Variants in IL1RAPL2 observed in about 807,000 individuals in gnomAD.
IL1RAPL2 encodes the protein interleukin 1 receptor accessory protein like 2.
IL1RAPL2 carries 3 observed loss-of-function variants against 44.1 expected under a neutral mutation model. The ratio of observed to expected loss-of-function variants is 0.07; its 90% confidence interval spans 0.03 to 0.18. The LOEUF is 0.18. Ranked by LOEUF, IL1RAPL2 falls within the 10% of genes least tolerant of loss-of-function variation. The pLI is 1.00. For missense variants in IL1RAPL2, 391 were observed against 496.4 expected (o/e 0.79, Z 2.02); for synonymous variants, 181 against 178.8 (o/e 1.01, Z -0.10).
intron 2 of IL1RAPL2, among the ~76,000 whole-genome samples, chrX:104,943,814 A>G (rs181571750): frequency 8.9e-6 from 1 of 111,947 alleles, no homozygotes; most frequent in Admixed American, 9.5e-5. Flanking sequence ...TTTCCCCATT[A>G]TAATGCAAGT....
At chrX:105,488,910 CT>C (rs1804423381) in intron 6 of IL1RAPL2, among the ~76,000 whole-genome samples, 3 of 111,967 alleles carry the variant, frequency 2.7e-5, no homozygotes, top group African/African-American at 9.7e-5. Flanking sequence ...AACATCTTGA[CT>C]TTTTCCTATA....
intron 2 of IL1RAPL2, among the ~76,000 whole-genome samples, chrX:105,108,590 G>A (rs1002379474): frequency 2.9e-5 from 3 of 102,034 alleles, no homozygotes; most frequent in Non-Finnish European, 5.8e-5. Flanking sequence ...ATCAGCCTCC[G>A]TTGGCCTCCT....
chrX:105,452,360 A>G (rs977857891), intron 5 of IL1RAPL2, among the ~76,000 whole-genome samples: 1 of 111,787 alleles, frequency 8.9e-6, no homozygotes, highest in Non-Finnish European at 1.9e-5. Context: ...TGCAGATTCA[A>G]GAAAGTTTCA....
At chrX:104,634,462 T>G (rs1397332426) in intron 1 of IL1RAPL2, among the ~76,000 whole-genome samples, 1 of 111,537 alleles carries the variant, frequency 9.0e-6, no homozygotes, top group Non-Finnish European at 1.9e-5. Context: ...TCTCCCATTA[T>G]TATTGTGTGG....
chrX:105,363,308 A>ATATATATATATATATAAT (rs1491419366), intron 5 of IL1RAPL2, among the ~76,000 whole-genome samples: 1 of 68,569 alleles, frequency 1.5e-5, no homozygotes, highest in African/African-American at 1.3e-4. Flanking sequence ...ATATATATAT[A>ATATATATATATATATAAT]ATATATATAT....
At chrX:105,511,227 AGGTCATT>A (rs1433580748) in intron 6 of IL1RAPL2, among the ~76,000 whole-genome samples, 2 of 111,692 alleles carry the variant, frequency 1.8e-5, no homozygotes, top group African/African-American at 6.5e-5. Context: ...ATTCGAGAAA[AGGTCATT>A]GGTCATGTTG....
intron 2 of IL1RAPL2, among the ~76,000 whole-genome samples, chrX:105,054,293 A>G: frequency 8.9e-6 from 1 of 111,872 alleles, no homozygotes. Context: ...AACTCCACAC[A>G]GATAGTGGCC....
At chrX:105,751,602 T>G (rs986949722) in intron 9 of IL1RAPL2, among the ~76,000 whole-genome samples, 3 of 111,921 alleles carry the variant, frequency 2.7e-5, no homozygotes, top group African/African-American at 3.2e-5. Flanking sequence ...CATAATTTTA[T>G]GTATTGATTC....
At chrX:105,391,587 C>G (rs1208444442) in intron 5 of IL1RAPL2, among the ~76,000 whole-genome samples, 1 of 99,227 alleles carries the variant, frequency 1.0e-5, no homozygotes, top group Admixed American at 1.1e-4. Context: ...GTCAGTGTGG[C>G]GATTCCTCAG....
intron 2 of IL1RAPL2, among the ~76,000 whole-genome samples, chrX:104,786,961 C>A (rs1932802230): frequency 1.1e-5 from 1 of 94,336 alleles, no homozygotes; most frequent in African/African-American, 4.5e-5. Context: ...CTCTCTCTCT[C>A]TCTCTCTCTC....
intron 2 of IL1RAPL2, among the ~76,000 whole-genome samples, chrX:105,128,765 A>G (rs1041326691): frequency 2.7e-5 from 3 of 111,080 alleles, no homozygotes; most frequent in African/African-American, 9.8e-5. Flanking sequence ...GATTTCTTAT[A>G]TTTAGGCCTT....
At chrX:105,388,643 T>C (rs1475702405) in intron 5 of IL1RAPL2, among the ~76,000 whole-genome samples, 1 of 110,937 alleles carries the variant, frequency 9.0e-6, no homozygotes, top group Non-Finnish European at 1.9e-5. Flanking sequence ...TGCTTAAAAA[T>C]ACTGGAAGGC....
At chrX:104,846,060 T>G (rs145333667) in intron 2 of IL1RAPL2, among the ~76,000 whole-genome samples, 2,425 of 111,862 alleles carry the variant, frequency 0.022, 30 homozygotes, top group Middle Eastern at 0.037. Context: ...TGTTATTATC[T>G]CAAAGTATTG....
chrX:104,844,719 CG>C (rs199763156), intron 2 of IL1RAPL2, among the ~76,000 whole-genome samples: 1,539 of 112,075 alleles, frequency 0.014, 28 homozygotes, highest in African/African-American at 0.046. Context: ...ATGTGGTCCA[CG>C]GGTCGCAAGT....
intron 9 of IL1RAPL2, among the ~76,000 whole-genome samples, chrX:105,750,864 G>A (rs1602555057): frequency 1.8e-5 from 2 of 108,136 alleles, no homozygotes; most frequent in African/African-American, 3.4e-5. Flanking sequence ...TCTGTACACA[G>A]AAAAAAAAAC....
rs985858364 is a variant in IL1RAPL2, at chrX:104,866,569, A to T, written c.82+207574A>T. On this transcript the variant is annotated intron_variant, in intron 2 of 10. Transcript: ENST00000372582. ...TTGAAATACAGTGGCAAAGGAGAGTAGTTGCCACAGGACCTTACAGTCTGG... is the reference window on the plus strand; with the variant it reads ...TTGAAATACAGTGGCAAAGGAGAGTTGTTGCCACAGGACCTTACAGTCTGG... 3.6e-5 allele frequency among the ~76,000 whole-genome samples: 4 copies of T among 111,863 alleles called. No individual in the cohort carries two copies. The South Asian group carries it at 1.5e-3, about 42-fold the overall frequency.
chrX:104,789,557 CTG>C (rs1402419567), intron 2 of IL1RAPL2, among the ~76,000 whole-genome samples: 3 of 111,865 alleles, frequency 2.7e-5, no homozygotes, highest in Non-Finnish European at 5.6e-5. Flanking sequence ...GATAGTTAGA[CTG>C]TTGACTTCTG....
chrX:104,865,017 C>T lies in IL1RAPL2; in HGVS notation c.82+206022C>T, dbSNP rs181856377. The stretch of plus-strand genomic sequence containing the variant: ...CATCCTGTGGTCATCTCCCCAGTGC[C>T]AGAATGCATAATTGGCATAGACATA... On this transcript the variant is annotated intron_variant, in intron 2 of 10. Transcript: ENST00000372582. Among the ~76,000 whole-genome samples, 4 of 111,094 alleles carry T rather than the reference C, an allele frequency of 3.6e-5. No homozygotes were observed. In the East Asian group the frequency reaches 1.1e-3, roughly 31 times the overall value.
intron 5 of IL1RAPL2, among the ~76,000 whole-genome samples, chrX:105,440,940 A>G (rs2035916504): frequency 9.0e-6 from 1 of 111,587 alleles, no homozygotes; most frequent in East Asian, 2.9e-4. Flanking sequence ...ACCATGTAAG[A>G]TGTGTCTGGC....
Sources: gnomAD v4.1 joint callset for allele counts (sites outside exome capture counted in the v4.1 genomes callset) on GRCh38, gnomAD v4.1.1 for gene constraint, MANE v1.5 for transcripts, NCBI Gene and HGNC (gene_info 2026-07-23, HGNC 2026-07-21) for gene names.